Variants in PSMA4 observed in about 807,000 individuals in gnomAD.
PSMA4 encodes the protein proteasome subunit alpha type-4.
PSMA4 carries 8 observed loss-of-function variants against 37.2 expected under a neutral mutation model. The observed-to-expected ratio is 0.22, with a 90% CI of 0.13 to 0.39. The LOEUF (loss-of-function observed/expected upper bound fraction) is 0.39. PSMA4 is among the 10% of genes least tolerant of loss of function. The pLI is 1.00. For missense variants in PSMA4, 169 were observed against 305.1 expected (o/e 0.55, Z 3.32); for synonymous variants, 93 against 98.8 (o/e 0.94, Z 0.35).
intron 4 of PSMA4, among the ~76,000 whole-genome samples, chr15:78,543,071 A>C (rs2052483624): frequency 6.6e-6 from 1 of 152,238 alleles, no homozygotes; most frequent in Non-Finnish European, 1.5e-5. Context: ...ATAGCTACGC[A>C]GGATTTTGTT....
chr15:78,542,081 G>A, intron 2 of PSMA4, 96 bp from the exon 3 acceptor site: 4 of 1,468,330 alleles, frequency 2.7e-6, no homozygotes, highest in Non-Finnish European at 3.8e-6. Context: ...ATTGAACTTT[G>A]TATACCAGGA....
At position 78,551,773 on chromosome 15, in the gene PSMA4, C is replaced by G. The variant is rs2052646828; in HGVS notation, c.*2829C>G. 6.6e-6 allele frequency: 1 copy of G among 152,114 alleles called. No homozygotes were observed. The highest frequency in any genetic ancestry group is 2.1e-4 in the South Asian group (1 of 4,824). 9.4% of individuals were successfully genotyped at this position (152,114 alleles called of 1,614,324 possible). ...TGAAATCCTAAAAAATACCTGCTTT[C>G]CATCCAGATCAGTAGCACTGGTGGA... On this transcript the variant is annotated 3_prime_UTR_variant, in exon 9 of 9. Coordinates refer to ENST00000044462, the MANE Select transcript of PSMA4 (RefSeq NM_002789.6).
At chr15:78,543,610 C>G (rs1290465387) in intron 4 of PSMA4, among the ~76,000 whole-genome samples, 1 of 146,634 alleles carries the variant, frequency 6.8e-6, no homozygotes, top group Non-Finnish European at 1.5e-5. Flanking sequence ...GCTCTGTCAC[C>G]CAGGCTGGAG....
chr15:78,543,491 A>G (rs374012586), intron 4 of PSMA4, among the ~76,000 whole-genome samples: 1 of 151,132 alleles, frequency 6.6e-6, no homozygotes, highest in African/African-American at 2.4e-5. Flanking sequence ...CCCTCCTGCC[A>G]TTGTCCCCTG....
At position 78,545,772 on chromosome 15, in the gene PSMA4, T is replaced by C. The variant is rs2052540960; in HGVS notation, c.507+8T>C. 1 of 1,612,972 alleles carries C rather than the reference T, an allele frequency of 6.2e-7. No individual in the cohort carries two copies. Among genetic ancestry groups the C allele is most frequent in the African/African-American group, 1.3e-5 (1 of 74,884 alleles). On this transcript the variant is annotated splice_region_variant and intron_variant, in intron 7 of 8. Transcript: ENST00000044462. Reference sequence around the variant, plus strand: ...ATTGGAAATAATAGCGCTGTGAGTATTTTTGTTGTGCTATAAAATCTAGCA... The same window carrying C: ...ATTGGAAATAATAGCGCTGTGAGTACTTTTGTTGTGCTATAAAATCTAGCA...
Position 78,550,345 on chromosome 15 carries a change from T to G in PSMA4, c.*1401T>G, listed in dbSNP as rs757460454. ...CGTGAATGTTTTTGTTTTGTTTTGTTTTTTGAGACTGGGTCTTGCTCTGTC... is the reference window on the plus strand; with the variant it reads ...CGTGAATGTTTTTGTTTTGTTTTGTGTTTTGAGACTGGGTCTTGCTCTGTC... On this transcript the variant is annotated 3_prime_UTR_variant, in exon 9 of 9. Coordinates refer to ENST00000044462, the MANE Select transcript of PSMA4 (RefSeq NM_002789.6). The G allele has an allele frequency of 1.3e-5, 2 of 152,410 alleles. No homozygotes were observed. The highest frequency in any genetic ancestry group is 2.4e-5 in the African/African-American group (1 of 41,468). 9.4% of individuals were successfully genotyped at this position (152,410 alleles called of 1,614,324 possible).
chr15:78,546,039 C>G (rs567642343), intron 7 of PSMA4, among the ~76,000 whole-genome samples: 8 of 152,212 alleles, frequency 5.3e-5, no homozygotes, highest in African/African-American at 1.9e-4. Context: ...CCCCTGTATT[C>G]TATGACAGAC....
intron 4 of PSMA4, among the ~76,000 whole-genome samples, chr15:78,543,419 A>G (rs146225145): frequency 2.3e-4 from 35 of 152,094 alleles, no homozygotes; most frequent in Admixed American, 1.7e-3. Flanking sequence ...AAGTGGGCCC[A>G]AAAAAATGAA....
chr15:78,545,332 G>T (rs1323619068), intron 6 of PSMA4, among the ~76,000 whole-genome samples: 1 of 152,110 alleles, frequency 6.6e-6, no homozygotes, highest in African/African-American at 2.4e-5. Context: ...GATTACCCTC[G>T]TTTTATTAAT....
rs747784570 is a variant in PSMA4, at chr15:78,544,803, A to C, written c.288-66A>C. 2.6e-6 allele frequency: 3 copies of C among 1,133,144 alleles called. No homozygotes were observed. The South Asian group carries it at 4.0e-5, about 15-fold the overall frequency. The allele number at this position is 1,133,144 out of a possible 1,614,324, so 70.2% of individuals were successfully genotyped here. A position where few individuals can be genotyped will look rare whatever the true frequency, so the allele number is the denominator to read the frequency against. ...CATGGCATAGATTGCTTTTCAGAGA[A>C]TATTTTCCTTAGAGTCTGTCTGTGT... On this transcript the variant is annotated intron_variant, in intron 5 of 8. Transcript: ENST00000044462.
intron 4 of PSMA4, among the ~76,000 whole-genome samples, chr15:78,543,268 C>T (rs375159611): frequency 2.6e-5 from 4 of 152,290 alleles, no homozygotes; most frequent in East Asian, 1.9e-4. Flanking sequence ...TGCTGATTAT[C>T]AGGGCCTTTT....
chr15:78,544,378 CG>C, intron 5 of PSMA4, 111 bp downstream of exon 5: 2 of 628,676 alleles, frequency 3.2e-6, no homozygotes, highest in Non-Finnish European at 5.3e-6. Context: ...TGCAGTGGCA[CG>C]ATCTTGGCTC....
At chr15:78,544,770 G>GT (rs1348921970) in intron 5 of PSMA4, 99 bp from the exon 6 acceptor site, 1 of 708,022 alleles carries the variant, frequency 1.4e-6, no homozygotes, top group African/African-American at 1.8e-5. Flanking sequence ...TGACTGTTAG[G>GT]TTGTCCCCAT....
At chr15:78,545,912 G>T (rs1224362717) in intron 7 of PSMA4, 148 bp downstream of exon 7, 13 of 887,790 alleles carry the variant, frequency 1.5e-5, no homozygotes, top group Non-Finnish European at 2.0e-5. Context: ...GTTGGTGACA[G>T]CATTGCTGAT....
In PSMA4 at chr15:78,540,558, G is replaced by A. The variant is rs1290611740; in HGVS notation, c.-24+19G>A. 6.6e-6 allele frequency: 1 copy of A among 152,530 alleles called. No homozygotes were observed. Among genetic ancestry groups the A allele is most frequent in the East Asian group, 1.9e-4 (1 of 5,212 alleles). The allele number at this position is 152,530 out of a possible 1,614,324, so 9.4% of individuals were successfully genotyped here. A position where few individuals can be genotyped will look rare whatever the true frequency, so the allele number is the denominator to read the frequency against. ...CCATCTGGTGAGCCTTTGGCCCCTT[G>A]GGGCCCGCGGAAGCTTGGCCGCTTT... On this transcript the variant is annotated intron_variant, in intron 1 of 8. Coordinates refer to ENST00000044462, the MANE Select transcript of PSMA4 (RefSeq NM_002789.6).
intron 1 of PSMA4, 79 bp from the exon 2 acceptor site, chr15:78,541,826 A>C: frequency 8.2e-7 from 1 of 1,224,212 alleles, no homozygotes; most frequent in Admixed American, 1.9e-5. Context: ...GGGAGTAAAT[A>C]AAACAGATTT....
At position 78,546,242 on chromosome 15, in the gene PSMA4, G is replaced by A. The variant is rs1368382395; in HGVS notation, c.508-333G>A. 3.3e-5 allele frequency among the ~76,000 whole-genome samples: 5 copies of A among 152,158 alleles called. No homozygotes were observed. In the East Asian group the frequency reaches 5.8e-4, roughly 18 times the overall value. ...GCAAATTGCTCGAGCTCAGGAGTTCGAGACCAGCCTGGGCAACATAGCAGA... is the reference window on the plus strand; with the variant it reads ...GCAAATTGCTCGAGCTCAGGAGTTCAAGACCAGCCTGGGCAACATAGCAGA... On this transcript the variant is annotated intron_variant, in intron 7 of 8. Coordinates refer to ENST00000044462, the MANE Select transcript of PSMA4 (RefSeq NM_002789.6).
intron 3 of PSMA4, 68 bp downstream of exon 3, chr15:78,542,287 A>T: frequency 6.6e-7 from 1 of 1,510,078 alleles, no homozygotes; most frequent in Non-Finnish European, 9.0e-7. Flanking sequence ...AGAAAAAAAA[A>T]TTACAAACTT....
intron 6 of PSMA4, 97 bp from the exon 7 acceptor site, chr15:78,545,537 C>T: frequency 7.3e-7 from 1 of 1,368,678 alleles, no homozygotes; most frequent in Middle Eastern, 2.3e-4. Flanking sequence ...TGCTTAAGTT[C>T]ACAGAGTAGG....
Sources: allele counts gnomAD v4.1 joint callset (sites outside exome capture counted in the v4.1 genomes callset), GRCh38; gene constraint gnomAD v4.1.1; transcripts MANE v1.5; gene names NCBI Gene and HGNC (gene_info 2026-07-23, HGNC 2026-07-21).